Variants in NLN observed in about 807,000 individuals in gnomAD.
NLN encodes neurolysin, mitochondrial.
NLN carries 64 observed loss-of-function variants against 79.9 expected under a neutral mutation model. That is an observed-to-expected ratio of 0.80 (90% confidence interval 0.65 to 0.99). The LOEUF is 0.99. Among genes scored for constraint, NLN ranks in the 50% least tolerant of loss-of-function variants. NLN has a pLI of 0.00. For synonymous variants in NLN, 267 were observed against 296.6 expected (o/e 0.90, Z 1.02); for missense variants, 835 against 858.7 (o/e 0.97, Z 0.34).
intron 1 of NLN, chr5:65,733,699 T>G: frequency 7.3e-7 from 1 of 1,376,754 alleles, no homozygotes; most frequent in Non-Finnish European, 1.0e-6. Flanking sequence ...TTCTGGACCC[T>G]TGGGCACTAA....
In NLN at chr5:65,756,791, C is replaced by T. The variant is rs114950897; in HGVS notation, c.42-1776C>T. ...ATGTTGGGATTATAGGCATGAGCCACGGTGCCTGGCCAAGGTTGGATGTTC... is the reference window on the plus strand; with the variant it reads ...ATGTTGGGATTATAGGCATGAGCCATGGTGCCTGGCCAAGGTTGGATGTTC... On this transcript the variant is annotated intron_variant, in intron 1 of 12. Coordinates refer to ENST00000380985, the MANE Select transcript of NLN (RefSeq NM_020726.5). 2.0e-3 allele frequency among the ~76,000 whole-genome samples: 306 copies of T among 152,254 alleles called. 3 individuals carry two copies. The highest frequency in any genetic ancestry group is 7.2e-3 in the African/African-American group (298 of 41,556).
chr5:65,762,291 T>C (rs905298446), intron 2 of NLN, among the ~76,000 whole-genome samples: 1 of 152,188 alleles, frequency 6.6e-6, no homozygotes, highest in East Asian at 1.9e-4. Flanking sequence ...AGATTTTCTA[T>C]GGAGTCTTTA....
intron 10 of NLN, 90 bp from the exon 11 acceptor site, chr5:65,809,947 G>T: frequency 7.1e-7 from 1 of 1,418,172 alleles, no homozygotes; most frequent in South Asian, 1.2e-5. Context: ...AGTACTACTG[G>T]AATCTGTTTT....
intron 12 of NLN, among the ~76,000 whole-genome samples, chr5:65,817,838 A>G (rs1191328942): frequency 6.6e-6 from 1 of 152,224 alleles, no homozygotes; most frequent in African/African-American, 2.4e-5. Context: ...TATAATATAA[A>G]GCTAAGGATC....
intron 3 of NLN, among the ~76,000 whole-genome samples, chr5:65,764,117 T>C (rs1329962738): frequency 1.3e-5 from 2 of 152,212 alleles, no homozygotes; most frequent in Non-Finnish European, 2.9e-5. Context: ...TTTGTTGTTC[T>C]ATTTTTTTTA....
intron 2 of NLN, among the ~76,000 whole-genome samples, chr5:65,760,354 G>A (rs1264464711): frequency 6.6e-6 from 1 of 152,138 alleles, no homozygotes; most frequent in East Asian, 1.9e-4. Flanking sequence ...AAAAGATCTG[G>A]TTGTCTTCAT....
chr5:65,812,278 G>T lies in NLN; in HGVS notation c.1867G>T (p.Gly623Ter), dbSNP rs1435168595. ...AGGCACAAATATGCCAGCTACCTTT[G>T]GACATTTGGCAGGGGGATACGATGG... ...TPGTNMPATF[G>*]HLAGGYDGQY... Residue 623 changes from glycine to a stop codon, truncating the protein, a stop_gained, in exon 12 of 13, where the codon GGA becomes TGA. Transcript: ENST00000380985. LOFTEE classifies it high-confidence loss of function. 1 of 1,613,042 alleles carries T rather than the reference G, an allele frequency of 6.2e-7. No homozygotes were observed. Among genetic ancestry groups the T allele is most frequent in the Non-Finnish European group, 8.5e-7 (1 of 1,179,338 alleles).
intron 1 of NLN, among the ~76,000 whole-genome samples, chr5:65,755,535 T>C (rs1292300720): frequency 6.6e-6 from 1 of 152,228 alleles, no homozygotes; most frequent in Non-Finnish European, 1.5e-5. Context: ...TGTAACTCTC[T>C]TTTTAAAAGT....
chr5:65,758,645 T>C lies in NLN; in HGVS notation c.120T>C (p.Tyr40=), dbSNP rs775907971. ...CTCCTCTTCAGGCAATGTCTTCCTA[T>C]ACTGTGGCTGGCAGAAATGTTTTAA... The part of the protein sequence containing the change: ...VMSPLQAMSS[Y]TVAGRNVLRW... The change falls in exon 2 of 13, where the codon TAT becomes TAC. Residue 40 remains tyrosine, a synonymous_variant. Transcript: ENST00000380985. 4.3e-6 allele frequency: 7 copies of C among 1,613,242 alleles called. No individual in the cohort carries two copies. Among genetic ancestry groups the C allele is most frequent in the African/African-American group, 2.7e-5 (2 of 74,902 alleles).
chr5:65,788,859 G>A (rs116336503), intron 8 of NLN, among the ~76,000 whole-genome samples: 7,396 of 151,802 alleles, frequency 0.049, 250 homozygotes, highest in Non-Finnish European at 0.07. Flanking sequence ...ATAGTCCCAG[G>A]TACTTGAGAG....
At chr5:65,800,996 A>G (rs911635209) in intron 9 of NLN, among the ~76,000 whole-genome samples, 1 of 152,058 alleles carries the variant, frequency 6.6e-6, no homozygotes, top group Non-Finnish European at 1.5e-5. Context: ...CCTGGCCAAA[A>G]TCGTGTATTT....
chr5:65,723,284 A>G (rs879586063), intron 1 of NLN, among the ~76,000 whole-genome samples: 2 of 152,192 alleles, frequency 1.3e-5, no homozygotes, highest in Non-Finnish European at 2.9e-5. Flanking sequence ...CCTTTTGCAC[A>G]TTGCCACTCG....
At chr5:65,817,564 G>C (rs192572684) in intron 12 of NLN, among the ~76,000 whole-genome samples, 13 of 152,272 alleles carry the variant, frequency 8.5e-5, no homozygotes. Context: ...GAATTCAAAG[G>C]CAATTATATT....
Position 65,810,173 on chromosome 5 carries a change from A to G in NLN, c.1843+8A>G. 1.2e-6 allele frequency: 2 copies of G among 1,613,058 alleles called. No individual in the cohort carries two copies. The highest frequency in any genetic ancestry group is 1.7e-6 in the Non-Finnish European group (2 of 1,179,122). On this transcript the variant is annotated splice_region_variant and intron_variant, in intron 11 of 12. Transcript: ENST00000380985. ...GAGTTGCAGCTACTCCAGGTATGTA[A>G]CTACTATGAATTGAGTTCATTTCTC...
intron 9 of NLN, among the ~76,000 whole-genome samples, chr5:65,796,826 G>T (rs1037784781): frequency 6.6e-6 from 1 of 152,180 alleles, no homozygotes; most frequent in Non-Finnish European, 1.5e-5. Context: ...GAAACATATA[G>T]TGAATTAAAA....
intron 9 of NLN, among the ~76,000 whole-genome samples, chr5:65,796,773 G>A (rs933937719): frequency 1.3e-5 from 2 of 152,178 alleles, no homozygotes; most frequent in East Asian, 3.8e-4. Context: ...TGAAAACAGA[G>A]ATTGACAACT....
intron 2 of NLN, 37 bp downstream of exon 2, chr5:65,758,863 T>G (rs1214572289): frequency 6.4e-7 from 1 of 1,564,334 alleles, no homozygotes; most frequent in East Asian, 2.3e-5. Context: ...TGTTTCACTT[T>G]GTGGACATCT....
chr5:65,814,777 AG>A (rs1284428295), intron 12 of NLN, among the ~76,000 whole-genome samples: 1 of 152,208 alleles, frequency 6.6e-6, no homozygotes, highest in Admixed American at 6.5e-5. Context: ...GACAAAAAAA[AG>A]TGGTCTTGAG....
intron 9 of NLN, among the ~76,000 whole-genome samples, chr5:65,803,631 C>T (rs1760342900): frequency 6.6e-6 from 1 of 151,698 alleles, no homozygotes; most frequent in South Asian, 2.1e-4. Flanking sequence ...CCTAAGAGTA[C>T]AGGGATGCCC....
Sources: gnomAD v4.1 joint callset for allele counts (sites outside exome capture counted in the v4.1 genomes callset) on GRCh38, gnomAD v4.1.1 for gene constraint, MANE v1.5 for transcripts, NCBI Gene and HGNC (gene_info 2026-07-23, HGNC 2026-07-21) for gene names.